CPM: variants seen among roughly 807,000 people sequenced by gnomAD.
CPM encodes the protein renal carboxypeptidase.
A neutral mutation model predicts 46.4 loss-of-function variants in CPM; 35 were observed. The observed-to-expected ratio is 0.75, with a 90% CI of 0.58 to 1.00. The LOEUF (loss-of-function observed/expected upper bound fraction) is 1.00, where lower values mean the gene tolerates loss of function less well. Ranked by LOEUF, CPM falls within the 50% of genes least tolerant of loss-of-function variation. CPM has a pLI of 0.00. For synonymous variants in CPM, 195 were observed against 195.3 expected, an observed-to-expected ratio of 1.00 and a Z score of 0.01; for missense variants, 422 against 530.4, an observed-to-expected ratio of 0.80 and a Z score of 2.01.
chr12:68,848,318 G>GTTATTTCAGCTAAT (rs1884470548), downstream of CPM: 1 of 152,050 alleles, frequency 6.6e-6, no homozygotes, highest in African/African-American at 2.4e-5. Context: ...AAGTAGCTGT[G>GTTATTTCAGCTAAT]TTATTTCAGC....
chr12:68,842,359 A>G, intron 5 of CPM: 1 of 495,634 alleles, frequency 2.0e-6, no homozygotes, highest in Non-Finnish European at 4.0e-6. Flanking sequence ...AACAGTTAAC[A>G]GGATGCAGAC....
chr12:68,868,851 C>A (rs190827346), intron 6 of CPM, among the ~76,000 whole-genome samples: 3 of 152,162 alleles, frequency 2.0e-5, no homozygotes, highest in African/African-American at 7.2e-5. Flanking sequence ...TTAGCTAGAT[C>A]TAGTAGCAGC....
At chr12:68,847,448 C>CTTTT (rs1461223164), downstream of CPM, 2 of 66,762 alleles carry the variant, frequency 3.0e-5, no homozygotes, top group African/African-American at 1.4e-4. Context: ...TTTGTATCTC[C>CTTTT]TTTCTTTTTT....
intron 8 of CPM, 122 bp from the exon 9 acceptor site, chr12:68,856,801 G>A: frequency 2.3e-6 from 3 of 1,292,166 alleles, no homozygotes; most frequent in Non-Finnish European, 1.1e-6. Flanking sequence ...CAATCTACCA[G>A]ACCTCTGGGC....
chr12:68,885,836 C>CA lies in CPM; in HGVS notation c.213dup (p.Gly72TrpfsTer15), dbSNP rs762387844. On this transcript the variant is annotated frameshift_variant, in exon 3 of 9. Transcript: ENST00000551568. LOFTEE classifies it high-confidence loss of function. ...GCCACGTATTTGAACTCTGGAATCCCAATTCTGTGTTCCTTTGGAAACCGC... is the reference window on the plus strand; with the variant it reads ...GCCACGTATTTGAACTCTGGAATCCCAAATTCTGTGTTCCTTTGGAAACCGC... 1.5e-5 allele frequency: 24 copies of CA among 1,614,032 alleles called. No homozygotes were observed.
upstream of CPM, among the ~76,000 whole-genome samples, chr12:68,937,415 T>C (rs928479183): frequency 6.6e-6 from 1 of 152,164 alleles, no homozygotes; most frequent in African/African-American, 2.4e-5. Flanking sequence ...CTAGTGCTGA[T>C]ACAGAGGGCA....
chr12:68,919,826 C>A (rs146576676), intron 2 of CPM, among the ~76,000 whole-genome samples: 1 of 152,298 alleles, frequency 6.6e-6, no homozygotes, highest in Non-Finnish European at 1.5e-5. Context: ...TACGTGTCTG[C>A]CCCAATTGAA....
At chr12:68,946,264 C>A (rs1888846006) in intron 1 of CPM, among the ~76,000 whole-genome samples, 1 of 152,108 alleles carries the variant, frequency 6.6e-6, no homozygotes. Context: ...ATAGCAGGAC[C>A]AATTTATTTG....
intron 5 of CPM, chr12:68,842,700 A>G (rs1475069727): frequency 5.1e-6 from 1 of 197,934 alleles, no homozygotes; most frequent in Non-Finnish European, 1.1e-5. Context: ...GATATATATA[A>G]AGTAAAATTT....
At chr12:68,869,580 G>C (rs375986708) in intron 5 of CPM, 85 bp from the exon 6 acceptor site, 2 of 1,202,920 alleles carry the variant, frequency 1.7e-6, no homozygotes, top group South Asian at 1.5e-5. Context: ...AGACATAATC[G>C]CATCACACAC....
At chr12:68,916,696 C>G (rs1392065806) in intron 2 of CPM, among the ~76,000 whole-genome samples, 1 of 152,050 alleles carries the variant, frequency 6.6e-6, no homozygotes, top group Non-Finnish European at 1.5e-5. Context: ...CGAGACCAAC[C>G]TGGACAACAT....
In CPM at chr12:68,858,733, G is replaced by T. The variant is rs79544325; in HGVS notation, c.1089+190C>A. Among the ~76,000 whole-genome samples, 152 of 96,814 alleles carry T rather than the reference G, an allele frequency of 1.6e-3. 2 individuals are homozygous for T. Among genetic ancestry groups the T allele is most frequent in the Admixed American group, 3.7e-3 (35 of 9,350 alleles). The allele number at this position is 96,814 out of a possible 152,430, so 63.5% of individuals were successfully genotyped here. ...CAGGGAAAAAATATGAATTTTTGTG[G>T]TTTTTTTTTTTTTCATATAATTTCC... On this transcript the variant is annotated intron_variant, in intron 8 of 8. Transcript: ENST00000551568.
intron 1 of CPM, among the ~76,000 whole-genome samples, chr12:68,949,550 A>G (rs773234501): frequency 5.3e-5 from 8 of 152,180 alleles, no homozygotes; most frequent in Non-Finnish European, 7.3e-5. Flanking sequence ...TTCTTTAGAA[A>G]TGTGGATAAT....
intron 8 of CPM, among the ~76,000 whole-genome samples, chr12:68,857,580 C>A (rs1238718983): frequency 6.6e-6 from 1 of 151,880 alleles, no homozygotes; most frequent in Non-Finnish European, 1.5e-5. Flanking sequence ...GCTAAACTAA[C>A]TACAGGCAAT....
At position 68,853,588 on chromosome 12, in the gene CPM, G is replaced by C. The variant is rs1189053959; in HGVS notation, c.*2849C>G. 6.6e-6 allele frequency: 1 copy of C among 152,116 alleles called. No homozygotes were observed. The highest frequency in any genetic ancestry group is 2.4e-5 in the African/African-American group (1 of 41,410). 9.4% of individuals were successfully genotyped at this position (152,116 alleles called of 1,614,324 possible). ...TTTGTCGTTCTCACTCTCCATGCCA[G>C]TATGTCTCATTTCTAGATCCCATAG... is the stretch of plus-strand genomic sequence containing the variant. On this transcript the variant is annotated 3_prime_UTR_variant, in exon 9 of 9. Coordinates refer to ENST00000551568, the MANE Select transcript of CPM (RefSeq NM_198320.5).
At chr12:68,869,253 G>C (rs948043199) in intron 6 of CPM, 72 bp downstream of exon 6, 5 of 1,455,982 alleles carry the variant, frequency 3.4e-6, no homozygotes, top group Non-Finnish European at 4.7e-6. Flanking sequence ...ACAACTGCTG[G>C]ATCAAAATAA....
intron 2 of CPM, among the ~76,000 whole-genome samples, chr12:68,909,925 T>C (rs1395075539): frequency 6.6e-6 from 1 of 151,738 alleles, no homozygotes; most frequent in African/African-American, 2.4e-5. Flanking sequence ...CCATGGCACA[T>C]GTATACCTAT....
chr12:68,951,127 T>A (rs1264574858), intron 1 of CPM, among the ~76,000 whole-genome samples: 1 of 152,248 alleles, frequency 6.6e-6, no homozygotes, highest in East Asian at 1.9e-4. Context: ...CACTTACAAC[T>A]GTGTGATCTT....
chr12:68,954,840 A>G (rs1888986973), intron 1 of CPM, among the ~76,000 whole-genome samples: 1 of 152,132 alleles, frequency 6.6e-6, no homozygotes, highest in South Asian at 2.1e-4. Context: ...CAGTAATACC[A>G]CCTTACATTA....
Sources: gnomAD v4.1 joint callset for allele counts (sites outside exome capture counted in the v4.1 genomes callset) on GRCh38, gnomAD v4.1.1 for gene constraint, MANE v1.5 for transcripts, NCBI Gene and HGNC (gene_info 2026-07-23, HGNC 2026-07-21) for gene names.